HSD17B12: variants seen among roughly 807,000 people sequenced by gnomAD.
HSD17B12 encodes hydroxysteroid 17-beta dehydrogenase 12, also known as very-long-chain 3-oxoacyl-CoA reductase.
HSD17B12 carries 32 observed loss-of-function variants against 39.3 expected under a neutral mutation model. That is an observed-to-expected ratio of 0.81 (90% CI 0.61 to 1.09). The LOEUF (loss-of-function observed/expected upper bound fraction) is 1.09, where lower values mean the gene tolerates loss of function less well. Among genes scored for constraint, HSD17B12 ranks in the 50% least tolerant of loss-of-function variants. The pLI, the probability that HSD17B12 is intolerant of heterozygous loss-of-function variation, is 0.00. For missense variants in HSD17B12, 342 were observed against 382.9 expected (o/e 0.89, Z 0.89); for synonymous variants, 150 against 146.7 (o/e 1.02, Z -0.16).
At chr11:43,651,400 A>C in the HSD17B12 span, among the ~76,000 whole-genome samples, 1 of 152,202 alleles carries the variant, frequency 6.6e-6, no homozygotes, top group Non-Finnish European at 1.5e-5. Context: ...AGTCTGCCTC[A>C]CTTGGAACAA....
intron 3 of HSD17B12, among the ~76,000 whole-genome samples, chr11:43,762,155 G>A (rs562848780): frequency 1.1e-4 from 17 of 150,518 alleles, no homozygotes; most frequent in South Asian, 1.1e-3. Flanking sequence ...TAACTACCAT[G>A]AGGGTTAGTG....
Position 43,839,986 on chromosome 11 carries a change from A to G in HSD17B12, c.619-13A>G, listed in dbSNP as rs1204400070. The G allele has an allele frequency of 1.2e-6, 2 of 1,608,778 alleles. No homozygotes were observed. Among genetic ancestry groups the G allele is most frequent in the South Asian group, 2.2e-5 (2 of 90,736 alleles). ...ATGTGTGTGTTTTCTTCTCACTCCC[A>G]CTCCCCTCCCAGACTTTTGTAGATT... is the stretch of plus-strand genomic sequence containing the variant. On this transcript the variant is annotated splice_polypyrimidine_tract_variant and intron_variant, in intron 8 of 10. Transcript: ENST00000278353.
the HSD17B12 span, among the ~76,000 whole-genome samples, chr11:43,647,645 A>G: frequency 6.6e-6 from 1 of 152,102 alleles, no homozygotes; most frequent in Non-Finnish European, 1.5e-5. Context: ...AAAACAACAA[A>G]ATCACCCATT....
rs141904789 is a variant in HSD17B12 at position 43,718,715 on chromosome 11, A to G, written c.161-32196A>G. On this transcript the variant is annotated intron_variant, in intron 1 of 10. Coordinates refer to ENST00000278353, the MANE Select transcript of HSD17B12 (RefSeq NM_016142.3). ...AAAGAAGGAAGCTCCTGCCCCTCCT[A>G]AAGCTGAAGCCAAAGCAAAGGCTTT... The G allele has an allele frequency of 1.4e-3, 1,627 of 1,186,174 alleles. 13 individuals carry two copies. In the African/African-American group the frequency reaches 0.022, roughly 16 times the overall value. The allele number at this position is 1,186,174 out of a possible 1,614,324, so 73.5% of individuals were successfully genotyped here. A position where few individuals can be genotyped will look rare whatever the true frequency, so the allele number is the denominator to read the frequency against.
At chr11:43,618,196 A>G in the HSD17B12 span, among the ~76,000 whole-genome samples, 2 of 152,182 alleles carry the variant, frequency 1.3e-5, no homozygotes, top group Admixed American at 6.5e-5. Flanking sequence ...GAAATGCATA[A>G]GTTCCAGGGA....
At chr11:43,717,921 C>T (rs952465963) in intron 1 of HSD17B12, among the ~76,000 whole-genome samples, 1 of 151,624 alleles carries the variant, frequency 6.6e-6, no homozygotes, top group Non-Finnish European at 1.5e-5. Flanking sequence ...TCTCATACCT[C>T]AGCCTCCCAA....
the HSD17B12 span, chr11:43,579,519 A>G: frequency 1.3e-5 from 2 of 152,214 alleles, no homozygotes; most frequent in Non-Finnish European, 2.9e-5. Context: ...AGACCGAGGT[A>G]AGGAGCAGGG....
chr11:43,618,854 G>A, the HSD17B12 span, among the ~76,000 whole-genome samples: 6 of 151,866 alleles, frequency 4.0e-5, no homozygotes, highest in Non-Finnish European at 7.4e-5. Flanking sequence ...AAGCTGAATT[G>A]GTATTGGTTC....
upstream of HSD17B12, among the ~76,000 whole-genome samples, chr11:43,676,196 AAAG>A (rs1949692481): frequency 9.0e-6 from 1 of 111,718 alleles, no homozygotes; most frequent in Non-Finnish European, 1.9e-5. Context: ...ATAGGAATGA[AAAG>A]AGGAAGAGGG....
intron 1 of HSD17B12, among the ~76,000 whole-genome samples, chr11:43,740,982 T>G (rs1950358874): frequency 6.6e-6 from 1 of 152,212 alleles, no homozygotes; most frequent in Admixed American, 6.5e-5. Context: ...ATCTTATCAT[T>G]TCAGTGTTGC....
chr11:43,800,926 G>C (rs61883812), intron 4 of HSD17B12, among the ~76,000 whole-genome samples: 1 of 152,086 alleles, frequency 6.6e-6, no homozygotes, highest in African/African-American at 2.4e-5. Context: ...ATCACCTGAG[G>C]TCAGGAGTTT....
intron 1 of HSD17B12, among the ~76,000 whole-genome samples, chr11:43,740,204 G>A (rs1950351566): frequency 6.6e-6 from 1 of 152,154 alleles, no homozygotes; most frequent in South Asian, 2.1e-4. Flanking sequence ...ACTGTGTATA[G>A]CATGAATTGA....
intron 3 of HSD17B12, among the ~76,000 whole-genome samples, chr11:43,788,284 T>C (rs1373310513): frequency 6.6e-6 from 1 of 152,048 alleles, no homozygotes; most frequent in Admixed American, 6.5e-5. Flanking sequence ...TTCGTTTTAC[T>C]AAAAAATAAC....
In HSD17B12 at chr11:43,798,300, T is replaced by C; in HGVS notation, c.284-20T>C. ...CTAATTTTCCCTGTCTCTCCCCGTT[T>C]GTGTTTTCTTTTTCCCTAGAAGAAA... is the stretch of plus-strand genomic sequence containing the variant. On this transcript the variant is annotated intron_variant, in intron 3 of 10. Transcript: ENST00000278353. 1 of 1,453,970 alleles carries C rather than the reference T, an allele frequency of 6.9e-7. No homozygotes were observed. The highest frequency in any genetic ancestry group is 2.3e-5 in the East Asian group (1 of 43,986). The allele number at this position is 1,453,970 out of a possible 1,614,324, so 90.1% of individuals were successfully genotyped here.
intron 1 of HSD17B12, among the ~76,000 whole-genome samples, chr11:43,681,544 A>C (rs1269591098): frequency 6.6e-6 from 1 of 152,042 alleles, no homozygotes; most frequent in Non-Finnish European, 1.5e-5. Context: ...TCGTATCTGG[A>C]TTTGGCCTAT....
intron 1 of HSD17B12, among the ~76,000 whole-genome samples, chr11:43,693,919 C>A (rs547501567): frequency 6.6e-6 from 1 of 152,140 alleles, no homozygotes; most frequent in Non-Finnish European, 1.5e-5. Context: ...ATAATTTTGC[C>A]GTGGAACAGG....
chr11:43,732,303 A>G (rs1413893801), intron 1 of HSD17B12, among the ~76,000 whole-genome samples: 1 of 152,126 alleles, frequency 6.6e-6, no homozygotes, highest in East Asian at 1.9e-4. Context: ...TCTTTCCTTT[A>G]TAAATTACCC....
the HSD17B12 span, among the ~76,000 whole-genome samples, chr11:43,626,775 A>C: frequency 6.6e-6 from 1 of 152,022 alleles, no homozygotes; most frequent in African/African-American, 2.4e-5. Flanking sequence ...ATCTTACTAA[A>C]TATTTACATT....
At chr11:43,631,196 T>C in the HSD17B12 span, among the ~76,000 whole-genome samples, 2 of 152,204 alleles carry the variant, frequency 1.3e-5, no homozygotes, top group African/African-American at 4.8e-5. Context: ...CAAAGGAGAC[T>C]GAAGGTTGGT....
Sources: allele counts gnomAD v4.1 joint callset (sites outside exome capture counted in the v4.1 genomes callset), GRCh38; gene constraint gnomAD v4.1.1; transcripts MANE v1.5; gene names NCBI Gene and HGNC (gene_info 2026-07-23, HGNC 2026-07-21).